The following PPP4R2 variants were observed in gnomAD, a reference collection of about 807,000 sequenced individuals.
The protein encoded by PPP4R2 is protein phosphatase 4 regulatory subunit 2.
In PPP4R2, 13 loss-of-function variants were observed where a neutral mutation model predicts 47.2. The observed-to-expected ratio is 0.28, with a 90% CI of 0.18 to 0.44. The LOEUF is 0.44. Among genes scored for constraint, PPP4R2 ranks in the 20% least tolerant of loss-of-function variants. The probability of loss-of-function intolerance (pLI) is 1.00; values close to 1 mark genes in which losing one functional copy is unlikely to be tolerated. For missense variants in PPP4R2, 421 were observed against 491.2 expected, an observed-to-expected ratio of 0.86 and a Z score of 1.35; for synonymous variants, 151 against 163.3, an observed-to-expected ratio of 0.92 and a Z score of 0.57.
At chr3:73,060,924 G>T in intron 4 of PPP4R2, 99 bp from the exon 5 acceptor site, 1 of 725,954 alleles carries the variant, frequency 1.4e-6, no homozygotes, top group Non-Finnish European at 2.1e-6. Context: ...AGAATCAATG[G>T]GAATTTAACC....
chr3:73,006,520 T>A (rs1323244722), intron 2 of PPP4R2, among the ~76,000 whole-genome samples: 1 of 152,172 alleles, frequency 6.6e-6, no homozygotes, highest in Non-Finnish European at 1.5e-5. Context: ...CATGGAGCAC[T>A]CTCGTTGGTT....
Position 73,065,487 on chromosome 3 carries a change from C to G in PPP4R2, c.1019C>G (p.Ser340Cys), listed in dbSNP as rs1449271738. 3 of 1,611,740 alleles carry G rather than the reference C, an allele frequency of 1.9e-6. No homozygotes were observed. Among genetic ancestry groups the G allele is most frequent in the East Asian group, 2.2e-5 (1 of 44,850 alleles). The change falls in exon 9 of 9, where the codon TCT becomes TGT. Residue 340 changes from serine to cysteine, a missense_variant. Physicochemically the swap from Ser to Cys is moderately radical, Grantham distance 112. Around this residue, in one of 2 missense-constraint regions of PPP4R2, gnomAD observed 317 missense variants for 287.5 expected, o/e 1.10. Transcript: ENST00000356692. ...DDALTVNEET[S>C]EENNQMEESD... ...GCCTTAACTGTGAATGAAGAGACTTCTGAGGAAAATAATCAAATGGAGGAA... is the reference window on the plus strand; with the variant it reads ...GCCTTAACTGTGAATGAAGAGACTTGTGAGGAAAATAATCAAATGGAGGAA...
intron 5 of PPP4R2, chr3:73,061,963 A>G (rs1410415201): frequency 1.5e-6 from 1 of 663,138 alleles, no homozygotes; most frequent in Non-Finnish European, 2.5e-6. Context: ...AAAACTATTA[A>G]AATGTATACA....
intron 2 of PPP4R2, among the ~76,000 whole-genome samples, chr3:73,045,071 GC>G (rs1702455211): frequency 6.6e-6 from 1 of 152,166 alleles, no homozygotes; most frequent in Non-Finnish European, 1.5e-5. Flanking sequence ...TTGGCTTACT[GC>G]AGCCTCTACC....
At chr3:73,012,896 T>TC (rs1701752520) in intron 2 of PPP4R2, among the ~76,000 whole-genome samples, 1 of 146,586 alleles carries the variant, frequency 6.8e-6, no homozygotes, top group Non-Finnish European at 1.5e-5. Flanking sequence ...GTAGGTAGAA[T>TC]GTAGGCTTTT....
chr3:73,050,266 G>T (rs570856014), intron 3 of PPP4R2, among the ~76,000 whole-genome samples: 1 of 151,926 alleles, frequency 6.6e-6, no homozygotes, highest in Non-Finnish European at 1.5e-5. Flanking sequence ...CGCCTGGCCC[G>T]AACTTACATT....
At chr3:73,019,493 C>T (rs769654602) in intron 2 of PPP4R2, among the ~76,000 whole-genome samples, 2 of 152,168 alleles carry the variant, frequency 1.3e-5, no homozygotes, top group Non-Finnish European at 2.9e-5. Flanking sequence ...CCTGCCTCAG[C>T]CTCCCTAGTA....
chr3:73,046,464 T>A (rs1253196715), intron 2 of PPP4R2, among the ~76,000 whole-genome samples: 1 of 152,236 alleles, frequency 6.6e-6, no homozygotes, highest in Non-Finnish European at 1.5e-5. Flanking sequence ...ATTTACACTA[T>A]TCAGGCAGGT....
chr3:73,057,204 T>C (rs889698235), intron 3 of PPP4R2, among the ~76,000 whole-genome samples: 3 of 152,084 alleles, frequency 2.0e-5, no homozygotes, highest in South Asian at 2.1e-4. Context: ...CTGTTTGTTA[T>C]ACATGTGGAA....
intron 2 of PPP4R2, among the ~76,000 whole-genome samples, chr3:73,042,205 C>T (rs1702392537): frequency 1.3e-5 from 2 of 151,950 alleles, no homozygotes; most frequent in Non-Finnish European, 2.9e-5. Context: ...TTATGAGCAT[C>T]TTTTTAGAAT....
intron 2 of PPP4R2, among the ~76,000 whole-genome samples, chr3:73,019,787 C>A (rs1334220376): frequency 1.3e-5 from 2 of 152,152 alleles, no homozygotes; most frequent in Admixed American, 1.3e-4. Flanking sequence ...TGCTCTCTCT[C>A]TTCTCTCCCA....
chr3:73,047,373 G>C lies in PPP4R2; in HGVS notation c.287+17G>C, dbSNP rs1352455785. ...ATTTAATGGGTATGCACTTAATACT[G>C]TTTTAAAGATTTAATTTTTAGCAGA... On this transcript the variant is annotated intron_variant, in intron 3 of 8. Transcript: ENST00000356692. 5 of 1,488,648 alleles carry C rather than the reference G, an allele frequency of 3.4e-6. No individual in the cohort carries two copies. In the Admixed American group the frequency reaches 6.6e-5, roughly 20 times the overall value. The allele number at this position is 1,488,648 out of a possible 1,614,324, so 92.2% of individuals were successfully genotyped here.
At chr3:73,059,882 C>G (rs994912860) in intron 4 of PPP4R2, among the ~76,000 whole-genome samples, 1 of 147,710 alleles carries the variant, frequency 6.8e-6, no homozygotes, top group Admixed American at 6.9e-5. Context: ...TTGCAGAGAG[C>G]TGAGATGGCA....
At position 73,065,531 on chromosome 3, in the gene PPP4R2, G is replaced by A. The variant is rs747658097; in HGVS notation, c.1063G>A (p.Glu355Lys). The A allele has an allele frequency of 6.2e-7, 1 of 1,612,274 alleles. No homozygotes were observed. The highest frequency in any genetic ancestry group is 1.1e-5 in the South Asian group (1 of 91,004). The change falls in exon 9 of 9, where the codon GAG becomes AAG. Residue 355 changes from glutamate (E) to lysine (K), a missense_variant. By Grantham distance (56) the Glu-to-Lys change is moderately conservative (BLOSUM62 1). Around this residue, in one of 2 missense-constraint regions of PPP4R2, gnomAD observed 317 missense variants for 287.5 expected, o/e 1.10. Transcript: ENST00000356692. ...QMEESDVSQA[E>K]KDLLHSEGSE... ...GGAGGAATCTGATGTGTCTCAAGCT[G>A]AGAAAGATTTGCTACATTCTGAAGG... is the stretch of plus-strand genomic sequence containing the variant.
intron 5 of PPP4R2, chr3:73,063,347 G>T: frequency 4.9e-6 from 1 of 205,666 alleles, no homozygotes; most frequent in Admixed American, 6.1e-5. Flanking sequence ...AAAAGTCCAG[G>T]TGTGGTGGCT....
intron 2 of PPP4R2, chr3:73,014,891 A>C (rs144773431): frequency 1.6e-6 from 1 of 606,836 alleles, no homozygotes; most frequent in Non-Finnish European, 3.0e-6. Context: ...TTTTAATGAG[A>C]TGGGGTCTTG....
At chr3:72,998,705 C>T (rs772980680) in intron 2 of PPP4R2, among the ~76,000 whole-genome samples, 47 of 152,186 alleles carry the variant, frequency 3.1e-4, no homozygotes, top group Non-Finnish European at 5.9e-4. Flanking sequence ...TGACTTGTTA[C>T]ATATGCTCAG....
chr3:72,997,139 C>T lies in PPP4R2; in HGVS notation c.34+68C>T, dbSNP rs937117655. 2.8e-5 allele frequency: 35 copies of T among 1,228,168 alleles called. 1 individual carries two copies. In the South Asian group the frequency reaches 3.2e-4, roughly 11 times the overall value. 76.1% of individuals were successfully genotyped at this position (1,228,168 alleles called of 1,614,324 possible). On this transcript the variant is annotated intron_variant, in intron 1 of 8. Coordinates refer to ENST00000356692, the MANE Select transcript of PPP4R2 (RefSeq NM_174907.4). ...GGCTCGCTCTTCTCTCCTTTCAGGG[C>T]GGATGGTTCCGAGGACCGGGGCCGG...
intron 2 of PPP4R2, among the ~76,000 whole-genome samples, chr3:73,021,592 G>GA (rs1701960712): frequency 6.6e-6 from 1 of 151,792 alleles, no homozygotes; most frequent in Admixed American, 6.6e-5. Context: ...CATAAATTAG[G>GA]AAAAAAATAC....
Sources: allele counts gnomAD v4.1 joint callset (sites outside exome capture counted in the v4.1 genomes callset), GRCh38; gene constraint gnomAD v4.1.1; regional missense constraint gnomAD v4.1.1; transcripts MANE v1.5; gene names NCBI Gene and HGNC (gene_info 2026-07-23, HGNC 2026-07-21).